Variants in STAC observed in about 807,000 individuals in gnomAD.
STAC encodes SH3 and cysteine-rich domain-containing protein.
Under a neutral mutation model 48.8 loss-of-function variants are expected in STAC, and 43 were observed. The observed-to-expected ratio is 0.88, with a 90% CI of 0.69 to 1.14. The LOEUF (loss-of-function observed/expected upper bound fraction) is 1.14. Among genes scored for constraint, STAC ranks in the 50% most tolerant of loss-of-function variants. The probability of loss-of-function intolerance (pLI) is 0.00; values close to 1 mark genes in which losing one functional copy is unlikely to be tolerated. For missense variants in STAC, 497 were observed against 504.0 expected, an observed-to-expected ratio of 0.99 and a Z score of 0.13; for synonymous variants, 193 against 179.5, an observed-to-expected ratio of 1.07 and a Z score of -0.60.
intron 1 of STAC, among the ~76,000 whole-genome samples, chr3:36,399,000 G>C (rs73054150): frequency 6.6e-6 from 1 of 152,224 alleles, no homozygotes; most frequent in Non-Finnish European, 1.5e-5. Flanking sequence ...GTGGTCTCAC[G>C]TGAAGTCTTA....
intron 7 of STAC, among the ~76,000 whole-genome samples, chr3:36,505,305 C>A (rs1218494461): frequency 6.6e-6 from 1 of 151,958 alleles, no homozygotes; most frequent in African/African-American, 2.4e-5. Flanking sequence ...GATGAATATA[C>A]CTGGTTCCCT....
chr3:36,490,279 A>G (rs1247064209), intron 5 of STAC, among the ~76,000 whole-genome samples: 1 of 152,100 alleles, frequency 6.6e-6, no homozygotes, highest in Non-Finnish European at 1.5e-5. Context: ...CAGGGGAGTG[A>G]GGAGGGCCAT....
chr3:36,478,632 C>G (rs1294405680), intron 2 of STAC, among the ~76,000 whole-genome samples: 1 of 152,102 alleles, frequency 6.6e-6, no homozygotes, highest in African/African-American at 2.4e-5. Flanking sequence ...GTAACTGGGA[C>G]TACAGGCACA....
Position 36,415,507 on chromosome 3 carries a change from T to G in STAC, c.112-27857T>G, listed in dbSNP as rs758699110. ...TAAGACCATTGGAAAAGCACAGTAT[T>G]GGGGTGGGAGTGACCCAGTTTTCCA... On this transcript the variant is annotated intron_variant, in intron 1 of 10. Coordinates refer to ENST00000273183, the MANE Select transcript of STAC (RefSeq NM_003149.3). Among the ~76,000 whole-genome samples the G allele has an allele frequency of 2.2e-4, 34 of 152,334 alleles. 1 individual carries two copies. In the Middle Eastern group the frequency reaches 0.014, roughly 61 times the overall value.
intron 8 of STAC, among the ~76,000 whole-genome samples, chr3:36,519,080 C>T (rs1287331359): frequency 6.6e-6 from 1 of 152,152 alleles, no homozygotes; most frequent in African/African-American, 2.4e-5. Flanking sequence ...TGTTAGTGAG[C>T]AGTCACTCTC....
intron 1 of STAC, among the ~76,000 whole-genome samples, chr3:36,400,177 C>T (rs1208579116): frequency 6.6e-6 from 1 of 152,166 alleles, no homozygotes; most frequent in Non-Finnish European, 1.5e-5. Context: ...ATTCAGGTCA[C>T]CTGACTCCCA....
intron 8 of STAC, among the ~76,000 whole-genome samples, chr3:36,522,452 G>A (rs1161271898): frequency 6.6e-6 from 1 of 152,202 alleles, no homozygotes; most frequent in Non-Finnish European, 1.5e-5. Context: ...GATGGGGTAA[G>A]TGCTATTATC....
chr3:36,464,380 TG>T (rs1697105517), intron 2 of STAC, among the ~76,000 whole-genome samples: 1 of 152,250 alleles, frequency 6.6e-6, no homozygotes, highest in Non-Finnish European at 1.5e-5. Flanking sequence ...GTTTTTTTCT[TG>T]TAAACTTGTT....
intron 1 of STAC, among the ~76,000 whole-genome samples, chr3:36,387,304 T>C (rs1699639044): frequency 6.6e-6 from 1 of 152,068 alleles, no homozygotes; most frequent in African/African-American, 2.4e-5. Context: ...ACCTAGGTTT[T>C]TCTTGACTGT....
chr3:36,440,751 A>G (rs1365457828), intron 1 of STAC, among the ~76,000 whole-genome samples: 1 of 152,156 alleles, frequency 6.6e-6, no homozygotes, highest in Non-Finnish European at 1.5e-5. Context: ...GTCTACCCCA[A>G]ACACTAATGA....
chr3:36,428,868 A>G (rs956352429), intron 1 of STAC, among the ~76,000 whole-genome samples: 8 of 152,224 alleles, frequency 5.3e-5, no homozygotes, highest in African/African-American at 1.9e-4. Flanking sequence ...TGAGCAGAGT[A>G]GTAAAATGGT....
At chr3:36,502,418 G>A (rs1698302277) in intron 6 of STAC, among the ~76,000 whole-genome samples, 1 of 152,000 alleles carries the variant, frequency 6.6e-6, no homozygotes, top group Non-Finnish European at 1.5e-5. Context: ...ATTTCTTCTT[G>A]CAACCATACA....
At chr3:36,472,374 G>A (rs1697365220) in intron 2 of STAC, among the ~76,000 whole-genome samples, 1 of 152,178 alleles carries the variant, frequency 6.6e-6, no homozygotes, top group Non-Finnish European at 1.5e-5. Context: ...ATGCCCTGGA[G>A]ACATTTTCCC....
chr3:36,497,108 G>A (rs1285354724), intron 6 of STAC, among the ~76,000 whole-genome samples: 1 of 152,060 alleles, frequency 6.6e-6, no homozygotes, highest in East Asian at 1.9e-4. Flanking sequence ...ATTTTAAGGT[G>A]TCAAAAAGAG....
rs572198587 is a variant in STAC at position 36,478,381 on chromosome 3, CCTT to C, written c.389-4610_389-4608del. 1.6e-3 allele frequency among the ~76,000 whole-genome samples: 251 copies of C among 152,236 alleles called. 3 individuals carry two copies. Among genetic ancestry groups the C allele is most frequent in the Admixed American group, 3.9e-3 (59 of 15,296 alleles). Reference sequence around the variant, plus strand: ...TTATTTTTCCTCAAATTAAAAATTGCCTTTTTTACTTCCTAAACATTTCATGTA... The same window carrying C: ...TTATTTTTCCTCAAATTAAAAATTGCTTTTACTTCCTAAACATTTCATGTA... On this transcript the variant is annotated intron_variant, in intron 2 of 10. Transcript: ENST00000273183.
intron 5 of STAC, among the ~76,000 whole-genome samples, chr3:36,489,667 A>G (rs1053655016): frequency 2.6e-5 from 4 of 152,182 alleles, no homozygotes; most frequent in Non-Finnish European, 5.9e-5. Flanking sequence ...TGTTTTCATT[A>G]CTTTATACCA....
chr3:36,488,929 T>C (rs926806691), intron 5 of STAC, among the ~76,000 whole-genome samples: 17 of 152,252 alleles, frequency 1.1e-4, no homozygotes, highest in African/African-American at 3.4e-4. Context: ...GCATGGGATA[T>C]GAGTCCTGCC....
At chr3:36,488,928 A>G (rs1236142130) in intron 5 of STAC, among the ~76,000 whole-genome samples, 2 of 152,112 alleles carry the variant, frequency 1.3e-5, no homozygotes, top group African/African-American at 4.8e-5. Flanking sequence ...GGCATGGGAT[A>G]TGAGTCCTGC....
chr3:36,418,392 G>A (rs565526351), intron 1 of STAC, among the ~76,000 whole-genome samples: 1 of 152,192 alleles, frequency 6.6e-6, no homozygotes, highest in South Asian at 2.1e-4. Flanking sequence ...GCTAATGAGA[G>A]GTGAGGATTA....
Sources: gnomAD v4.1 joint callset for allele counts (sites outside exome capture counted in the v4.1 genomes callset) on GRCh38, gnomAD v4.1.1 for gene constraint, MANE v1.5 for transcripts, NCBI Gene and HGNC (gene_info 2026-07-23, HGNC 2026-07-21) for gene names.